The following ATN1 variants were observed in gnomAD, a reference collection of about 807,000 sequenced individuals.
ATN1 encodes the protein atrophin 1.
In ATN1, 19 loss-of-function variants were observed where a neutral mutation model predicts 85.8. That is an observed-to-expected ratio of 0.22 (90% confidence interval 0.15 to 0.32). The LOEUF (loss-of-function observed/expected upper bound fraction) is 0.32. Ranked by LOEUF, ATN1 falls within the 10% of genes least tolerant of loss-of-function variation. The pLI is 1.00. For synonymous variants in ATN1, 674 were observed against 657.0 expected, an observed-to-expected ratio of 1.03 and a Z score of -0.39; for missense variants, 1,453 against 1,564.5, an observed-to-expected ratio of 0.93 and a Z score of 1.20.
At chr12:6,933,398 G>GAA (rs1555143226) in intron 1 of ATN1, among the ~76,000 whole-genome samples, 1 of 151,960 alleles carries the variant, frequency 6.6e-6, no homozygotes, top group East Asian at 1.9e-4. Flanking sequence ...CACCATGTTG[G>GAA]CTAGGCTGGT....
Position 6,941,718 on chromosome 12 carries a change from C to T in ATN1, c.3540-29C>T, listed in dbSNP as rs1555144697. Reference sequence around the variant, plus strand: ...TCAGAGTTGGTCTCAAGTCTCTTACCTCTCTGCTATGCACTGCCCCTTCCC... The same window carrying T: ...TCAGAGTTGGTCTCAAGTCTCTTACTTCTCTGCTATGCACTGCCCCTTCCC... On this transcript the variant is annotated intron_variant, in intron 9 of 9. Coordinates refer to ENST00000396684, the MANE Select transcript of ATN1 (RefSeq NM_001940.4). The surrounding 1 kb of genome is among the most constrained non-coding windows in gnomAD (Gnocchi z 5.9). The T allele has an allele frequency of 2.5e-6, 4 of 1,613,072 alleles. No individual in the cohort carries two copies. The highest frequency in any genetic ancestry group is 3.4e-6 in the Non-Finnish European group (4 of 1,179,052).
In ATN1 at chr12:6,936,994, C is replaced by G; in HGVS notation, c.1727C>G (p.Ser576Cys). The G allele has an allele frequency of 8.7e-6, 14 of 1,613,676 alleles. No homozygotes were observed. The highest frequency in any genetic ancestry group is 1.2e-5 in the Non-Finnish European group (14 of 1,179,722). ...GTCTCTTCCTCTTCCAACTCTTCCT[C>G]TTCCACTTCTCAAGGGTCCTACCCA... ...PPVSSSSNSS[S>C]STSQGSYPCS... Residue 576 changes from serine (S) to cysteine (C), a missense_variant, in exon 5 of 10, where the codon TCT becomes TGT. Physicochemically the swap from Ser to Cys is moderately radical, Grantham distance 112. Around this residue, in one of 6 missense-constraint regions of ATN1, gnomAD observed 990 missense variants for 914.8 expected, o/e 1.08. Transcript: ENST00000396684.
rs782360618 is a variant in ATN1 at position 6,934,218 on chromosome 12, C to T, written c.70C>T (p.Arg24Trp). 4.4e-6 allele frequency: 7 copies of T among 1,594,614 alleles called. No individual in the cohort carries two copies. The highest frequency in any genetic ancestry group is 1.9e-5 in the Admixed American group (1 of 52,890). The change falls in exon 3 of 10, where the codon CGG becomes TGG. Residue 24 changes from arginine to tryptophan, a missense_variant. Transcript: ENST00000396684. The surrounding 1 kb of genome is among the most constrained non-coding windows in gnomAD (Gnocchi z 4.5). The part of the protein sequence containing the change: ...SGRKKEAPGP[R>W]EELRSRGRAS... ...ACGGAAGAAAGAGGCCCCTGGGCCC[C>T]GGGAAGAACTGAGATCGAGGGGCCG...
In ATN1 at chr12:6,934,119, A is replaced by G. The variant is rs1268489804; in HGVS notation, c.28-57A>G. On this transcript the variant is annotated intron_variant, in intron 2 of 9. Transcript: ENST00000396684. The surrounding 1 kb of genome is among the most constrained non-coding windows in gnomAD (Gnocchi z 4.5). ...AGAAGAAGAACAAATAATGTGCACC[A>G]TAAAGTTAGGTGCAATGTAAAGAAC... is the stretch of plus-strand genomic sequence containing the variant. 5.6e-6 allele frequency: 9 copies of G among 1,613,114 alleles called. No homozygotes were observed. The Admixed American group carries it at 1.3e-4, about 24-fold the overall frequency.
chr12:6,941,863 C>T lies in ATN1; in HGVS notation c.*83C>T. On this transcript the variant is annotated 3_prime_UTR_variant, in exon 10 of 10. Coordinates refer to ENST00000396684, the MANE Select transcript of ATN1 (RefSeq NM_001940.4). This position sits in a 1 kb window ranked among gnomAD's most constrained non-coding sequence, Gnocchi z 5.9. ...CTCCCCCCACCGTGCCCTTGGCCTG[C>T]CACCCAGAGCCAAGAGGGTGCTGCT... is the stretch of plus-strand genomic sequence containing the variant. The T allele has an allele frequency of 3.6e-6, 5 of 1,384,588 alleles. No homozygotes were observed. Among genetic ancestry groups the T allele is most frequent in the Non-Finnish European group, 5.1e-6 (5 of 973,976 alleles). The allele number at this position is 1,384,588 out of a possible 1,614,324, so 85.8% of individuals were successfully genotyped here.
At position 6,936,483 on chromosome 12, in the gene ATN1, C is replaced by T; in HGVS notation, c.1216C>T (p.Pro406Ser). ...CCCCTTCCCAGCTTCCCAGGCATTG[C>T]CCAGCTACCCCCACTCTTTCCCTCC... is the stretch of plus-strand genomic sequence containing the variant. The part of the protein sequence containing the change: ...ASPFPASQAL[P>S]SYPHSFPPPT... The change falls in exon 5 of 10, where the codon CCC becomes TCC. Residue 406 changes from proline to serine, a missense_variant. Pro to Ser is a moderately conservative substitution (Grantham distance 74). Transcript: ENST00000396684. The T allele has an allele frequency of 6.3e-7, 1 of 1,599,250 alleles. No homozygotes were observed. Among genetic ancestry groups the T allele is most frequent in the Non-Finnish European group, 8.5e-7 (1 of 1,175,578 alleles).
rs781899300 is a variant in ATN1, at chr12:6,937,126, C to T, written c.1859C>T (p.Thr620Ile). ...GCTACCCTTTCCACGGTCATTGCCA[C>T]CGTGGCTTCCTCGCCAGCAGGCTAC... ...SSATLSTVIATVASSPAGYKT... is the reference protein window; with the variant it reads ...SSATLSTVIAIVASSPAGYKT... Residue 620 changes from threonine to isoleucine, a missense_variant, in exon 5 of 10, where the codon ACC becomes ATC. Thr to Ile is a moderately conservative substitution (Grantham distance 89, BLOSUM62 -1). Coordinates refer to ENST00000396684, the MANE Select transcript of ATN1 (RefSeq NM_001940.4). The surrounding 1 kb of genome is among the most constrained non-coding windows in gnomAD (Gnocchi z 6.0). The T allele has an allele frequency of 1.2e-6, 2 of 1,611,762 alleles. No homozygotes were observed. The highest frequency in any genetic ancestry group is 1.7e-6 in the Non-Finnish European group (2 of 1,180,014).
Position 6,935,622 on chromosome 12 carries a change from A to T in ATN1, c.355A>T (p.Ser119Cys), listed in dbSNP as rs1386670754. The T allele has an allele frequency of 8.1e-6, 13 of 1,613,820 alleles. No homozygotes were observed. Among genetic ancestry groups the T allele is most frequent in the Non-Finnish European group, 1.1e-5 (13 of 1,179,898 alleles). The change falls in exon 5 of 10, where the codon AGC (serine) becomes TGC (cysteine). Residue 119 changes from serine to cysteine, a missense_variant. This residue lies in a region of ATN1 where 130 missense variants were observed against 158.2 expected (regional missense o/e 0.82). Coordinates refer to ENST00000396684, the MANE Select transcript of ATN1 (RefSeq NM_001940.4). The surrounding 1 kb of genome is among the most constrained non-coding windows in gnomAD (Gnocchi z 5.3). ...GCGGAGCCTTAATGATGATGGCAGC[A>T]GCGACCCTAGGGATATCGACCAGGA... The part of the protein sequence containing the change: ...DGRSLNDDGS[S>C]DPRDIDQDNR...
chr12:6,938,852 C>T lies in ATN1; in HGVS notation c.2889C>T (p.Val963=), dbSNP rs368343718. The change falls in exon 7 of 10, where the codon GTC becomes GTT. Residue 963 remains valine, a synonymous_variant. Coordinates refer to ENST00000396684, the MANE Select transcript of ATN1 (RefSeq NM_001940.4). ...KPSELEPLHG[V]PGPGLDPFPR... ...GTGAGCTGGAACCCCTACATGGGGTCCCTGGGCCGGGCTTGGATCCCTTTC... is the reference window on the plus strand; with the variant it reads ...GTGAGCTGGAACCCCTACATGGGGTTCCTGGGCCGGGCTTGGATCCCTTTC... 3.7e-6 allele frequency: 6 copies of T among 1,614,156 alleles called. No individual in the cohort carries two copies. The highest frequency in any genetic ancestry group is 1.3e-5 in the African/African-American group (1 of 75,050).
chr12:6,938,861 G>A lies in ATN1; in HGVS notation c.2898G>A (p.Pro966=). The stretch of plus-strand genomic sequence containing the variant: ...AACCCCTACATGGGGTCCCTGGGCC[G>A]GGCTTGGATCCCTTTCCCCGACATG... The part of the protein sequence containing the change: ...ELEPLHGVPG[P]GLDPFPRHGG... Residue 966 remains proline, a synonymous_variant, in exon 7 of 10, where the codon CCG becomes CCA. Coordinates refer to ENST00000396684, the MANE Select transcript of ATN1 (RefSeq NM_001940.4). The A allele has an allele frequency of 6.2e-7, 1 of 1,614,096 alleles. No homozygotes were observed. The highest frequency in any genetic ancestry group is 8.5e-7 in the Non-Finnish European group (1 of 1,179,992).
chr12:6,930,800 CAATA>C (rs138589375), intron 1 of ATN1, among the ~76,000 whole-genome samples: 64,613 of 149,434 alleles, frequency 0.43, 17,047 homozygotes, highest in African/African-American at 0.76. Flanking sequence ...GACTCCGTCT[CAATA>C]AATAAATAAA....
rs1945419967 is a variant in ATN1 at position 6,928,223 on chromosome 12, G to C, written c.-324G>C. 7.8e-6 allele frequency: 1 copy of C among 128,062 alleles called. No individual in the cohort carries two copies. The highest frequency in any genetic ancestry group is 7.8e-5 in the Admixed American group (1 of 12,882). 7.9% of individuals were successfully genotyped at this position (128,062 alleles called of 1,614,324 possible). On this transcript the variant is annotated 5_prime_UTR_variant, in exon 1 of 10. Transcript: ENST00000396684. ...CAGGCGGGGAAAAGGGGGGATGGGGGCCGCCCTCCGGGGGGGTCGGGGCCG... is the reference window on the plus strand; with the variant it reads ...CAGGCGGGGAAAAGGGGGGATGGGGCCCGCCCTCCGGGGGGGTCGGGGCCG...
chr12:6,928,659 G>C (rs1265522130), intron 1 of ATN1, among the ~76,000 whole-genome samples: 1 of 152,240 alleles, frequency 6.6e-6, no homozygotes. Context: ...GGAGGCCTGT[G>C]GGGCCAGAGG....
rs201619235 is a variant in ATN1, at chr12:6,941,727, A to C, written c.3540-20A>C. 3.7e-6 allele frequency: 6 copies of C among 1,613,484 alleles called. No individual in the cohort carries two copies. In the African/African-American group the frequency reaches 5.3e-5, roughly 14 times the overall value. ...GTCTCAAGTCTCTTACCTCTCTGCT[A>C]TGCACTGCCCCTTCCCTAGTCACCT... On this transcript the variant is annotated intron_variant, in intron 9 of 9. Transcript: ENST00000396684. This position sits in a 1 kb window ranked among gnomAD's most constrained non-coding sequence, Gnocchi z 5.9.
upstream of ATN1, among the ~76,000 whole-genome samples, chr12:6,927,144 CTTATAT>C (rs1555142651): frequency 6.7e-6 from 1 of 149,814 alleles, no homozygotes; most frequent in Non-Finnish European, 1.5e-5. Context: ...ACCCCCAATT[CTTATAT>C]TTATGACTCT....
In ATN1 at chr12:6,937,751, G is replaced by T; in HGVS notation, c.2295-94G>T. ...CACAGCCTGCAGGGGTGGTTTTGAGGCGGGGGCTACAAGCACTCGCCGGGG... is the reference window on the plus strand; with the variant it reads ...CACAGCCTGCAGGGGTGGTTTTGAGTCGGGGGCTACAAGCACTCGCCGGGG... On this transcript the variant is annotated intron_variant, in intron 5 of 9. Transcript: ENST00000396684. This position sits in a 1 kb window ranked among gnomAD's most constrained non-coding sequence, Gnocchi z 6.0. The T allele has an allele frequency of 6.8e-7, 1 of 1,460,718 alleles. No individual in the cohort carries two copies. Among genetic ancestry groups the T allele is most frequent in the Non-Finnish European group, 9.0e-7 (1 of 1,108,958 alleles). 90.5% of individuals were successfully genotyped at this position (1,460,718 alleles called of 1,614,324 possible).
chr12:6,934,833 C>T lies in ATN1; in HGVS notation c.279+255C>T, dbSNP rs1044785075. Among the ~76,000 whole-genome samples the T allele has an allele frequency of 2.6e-5, 4 of 152,072 alleles. No homozygotes were observed. The highest frequency in any genetic ancestry group is 2.0e-4 in the Admixed American group (3 of 15,258). ...TAGTCTCTGGGTGAGAAGTCTTAGT[C>T]GGAGGAACAAATAAATCTTAAGGAA... On this transcript the variant is annotated intron_variant, in intron 4 of 9. Transcript: ENST00000396684. This position sits in a 1 kb window ranked among gnomAD's most constrained non-coding sequence, Gnocchi z 4.5.
rs1565570139 is a variant in ATN1 at position 6,941,352 on chromosome 12, C to T, written c.3359-22C>T. On this transcript the variant is annotated intron_variant, in intron 8 of 9. Coordinates refer to ENST00000396684, the MANE Select transcript of ATN1 (RefSeq NM_001940.4). This position sits in a 1 kb window ranked among gnomAD's most constrained non-coding sequence, Gnocchi z 5.9. The stretch of plus-strand genomic sequence containing the variant: ...TACTTGTTATCCGTTGGTCATATGC[C>T]CCTTGCCCTTCCTGCTCACAGCTGC... The T allele has an allele frequency of 6.3e-7, 1 of 1,580,584 alleles. No individual in the cohort carries two copies. The highest frequency in any genetic ancestry group is 2.2e-5 in the East Asian group (1 of 44,482).
chr12:6,936,646 G>T lies in ATN1; in HGVS notation c.1379G>T (p.Gly460Val). The stretch of plus-strand genomic sequence containing the variant: ...TTAGCCAACAGCAATGCCCATCCAG[G>T]CCCCTTCCCTCCCTCTACTGGGGCC... Reference protein sequence around the residue: ...RLLANSNAHPGPFPPSTGAQS... With the variant: ...RLLANSNAHPVPFPPSTGAQS... Residue 460 changes from glycine (G) to valine (V), a missense_variant, in exon 5 of 10, where the codon GGC becomes GTC. By Grantham distance (109) the Gly-to-Val change is moderately radical (BLOSUM62 -3). Transcript: ENST00000396684. 1 of 1,613,164 alleles carries T rather than the reference G, an allele frequency of 6.2e-7. No individual in the cohort carries two copies. Among genetic ancestry groups the T allele is most frequent in the Non-Finnish European group, 8.5e-7 (1 of 1,179,776 alleles).
Sources: gnomAD v4.1 joint callset for allele counts (sites outside exome capture counted in the v4.1 genomes callset) on GRCh38, gnomAD v4.1.1 for gene constraint, gnomAD v4.1.1 regional missense constraint, Gnocchi (gnomAD v3.1) non-coding constraint, MANE v1.5 for transcripts, NCBI Gene and HGNC (gene_info 2026-07-23, HGNC 2026-07-21) for gene names.